PAM: variants seen among roughly 807,000 people sequenced by gnomAD.
PAM encodes peptidyl-glycine alpha-amidating monooxygenase.
A neutral mutation model predicts 122.1 loss-of-function variants in PAM; 72 were observed. The ratio of observed to expected loss-of-function variants is 0.59; its 90% confidence interval spans 0.49 to 0.72. The LOEUF (loss-of-function observed/expected upper bound fraction) is 0.72, where lower values mean the gene tolerates loss of function less well. Among genes scored for constraint, PAM ranks in the 30% least tolerant of loss-of-function variants. The pLI, the probability that PAM is intolerant of heterozygous loss-of-function variation, is 0.00. For synonymous variants in PAM, 389 were observed against 404.4 expected (o/e 0.96, Z 0.46); for missense variants, 1,106 against 1,183.7 (o/e 0.93, Z 0.96).
chr5:102,901,295 T>A, intron 3 of PAM, 61 bp from the exon 4 acceptor site: 1 of 968,382 alleles, frequency 1.0e-6, no homozygotes, highest in Non-Finnish European at 1.6e-6. Context: ...GTTTTAATAG[T>A]TATTATTTCT....
At chr5:103,003,875 G>T (rs1778145621) in intron 17 of PAM, among the ~76,000 whole-genome samples, 1 of 151,604 alleles carries the variant, frequency 6.6e-6, no homozygotes, top group Non-Finnish European at 1.5e-5. Flanking sequence ...GTCATTTTTA[G>T]CATTCCTTAT....
chr5:102,839,819 T>TA (rs1318604445), intron 1 of PAM, among the ~76,000 whole-genome samples: 1 of 152,110 alleles, frequency 6.6e-6, no homozygotes, highest in East Asian at 1.9e-4. Flanking sequence ...AAATACTTAA[T>TA]AAAATTCAGT....
chr5:103,013,958 A>C (rs3776861), intron 21 of PAM, among the ~76,000 whole-genome samples: 44,025 of 152,066 alleles, frequency 0.29, 6,501 homozygotes, highest in East Asian at 0.44. Flanking sequence ...TGAAATCTCA[A>C]AGCATAGCAA....
At position 102,901,278 on chromosome 5, in the gene PAM, A is replaced by G. The variant is rs73175443; in HGVS notation, c.211-78A>G. On this transcript the variant is annotated intron_variant, in intron 3 of 25. Coordinates refer to ENST00000438793, the MANE Select transcript of PAM (RefSeq NM_001177306.2). ...CACTGACTACTTTTTACAGTCATAG[A>G]AGCCACGTTTTAATAGTTATTATTT... is the stretch of plus-strand genomic sequence containing the variant. 6,773 of 836,956 alleles carry G rather than the reference A, an allele frequency of 8.1e-3. 325 individuals are homozygous for G. In the African/African-American group the frequency reaches 0.1, roughly 13 times the overall value. 51.8% of individuals were successfully genotyped at this position (836,956 alleles called of 1,614,324 possible).
At chr5:103,008,969 C>T (rs1419446346) in intron 20 of PAM, among the ~76,000 whole-genome samples, 9 of 152,036 alleles carry the variant, frequency 5.9e-5, no homozygotes, top group Non-Finnish European at 7.4e-5. Context: ...TTTTATAGTA[C>T]ATCCTAGAAA....
At chr5:102,793,044 A>G (rs1157112136) in intron 1 of PAM, among the ~76,000 whole-genome samples, 1 of 152,206 alleles carries the variant, frequency 6.6e-6, no homozygotes, top group Non-Finnish European at 1.5e-5. Context: ...TCATAGGAGC[A>G]CAACATTCTC....
chr5:102,921,318 G>C (rs1037837412), intron 5 of PAM, among the ~76,000 whole-genome samples: 1 of 151,976 alleles, frequency 6.6e-6, no homozygotes, highest in Admixed American at 6.6e-5. Context: ...TACTTCCATA[G>C]GTCCTTTTTT....
chr5:102,889,568 TA>T (rs1414440871), intron 3 of PAM, among the ~76,000 whole-genome samples: 3 of 151,964 alleles, frequency 2.0e-5, no homozygotes, highest in African/African-American at 7.2e-5. Flanking sequence ...TTGTGTCTTC[TA>T]TTTTTTTTAA....
chr5:103,028,305 A>G, intron 25 of PAM, 67 bp downstream of exon 25: 2 of 1,088,592 alleles, frequency 1.8e-6, no homozygotes, highest in Non-Finnish European at 2.8e-6. Flanking sequence ...GTCTTTTAAA[A>G]AGCAAGGAGA....
chr5:102,803,151 AAGGAAGGAAGGAAGG>A (rs1561486671), intron 1 of PAM, among the ~76,000 whole-genome samples: 4 of 6,388 alleles, frequency 6.3e-4, no homozygotes, highest in Non-Finnish European at 2.3e-3. Context: ...GAAAGAAAGG[AAGGAAGGAAGGAAGG>A]AAGGAAGGAA....
chr5:102,921,639 C>T (rs1411860216), intron 5 of PAM, among the ~76,000 whole-genome samples: 1 of 152,060 alleles, frequency 6.6e-6, no homozygotes, highest in Non-Finnish European at 1.5e-5. Flanking sequence ...CTCTTATTTA[C>T]CAGACCTGAT....
Position 102,946,874 on chromosome 5 carries a change from C to T in PAM, c.564C>T (p.Leu188=). ...NKDCSGVSLH[L]TRLPQPLIAG... The stretch of plus-strand genomic sequence containing the variant: ...ACTGTTCTGGTGTGTCCTTACACCT[C>T]ACACGTCTGCCGTAAGTACTTCCAT... Residue 188 remains leucine (L), a synonymous_variant, in exon 8 of 26, where the codon CTC becomes CTT. Transcript: ENST00000438793. The T allele has an allele frequency of 6.2e-7, 1 of 1,600,514 alleles. No individual in the cohort carries two copies. Among genetic ancestry groups the T allele is most frequent in the Non-Finnish European group, 8.6e-7 (1 of 1,168,436 alleles).
intron 1 of PAM, among the ~76,000 whole-genome samples, chr5:102,770,385 T>C (rs1365133478): frequency 6.6e-6 from 1 of 152,130 alleles, no homozygotes; most frequent in Non-Finnish European, 1.5e-5. Flanking sequence ...TTGTTCTAGT[T>C]AGGACTTCCA....
chr5:102,809,378 A>G (rs1319467467), intron 1 of PAM, among the ~76,000 whole-genome samples: 5 of 151,894 alleles, frequency 3.3e-5, no homozygotes, highest in African/African-American at 9.7e-5. Context: ...AAAAGAAAAC[A>G]AAAAACAAAA....
chr5:102,936,692 T>C (rs1259000020), intron 7 of PAM, among the ~76,000 whole-genome samples: 1 of 152,116 alleles, frequency 6.6e-6, no homozygotes, highest in Non-Finnish European at 1.5e-5. Context: ...ATTTGTAAAT[T>C]GCTGCACATT....
At chr5:103,014,212 A>T (rs939065924) in intron 21 of PAM, among the ~76,000 whole-genome samples, 10 of 152,222 alleles carry the variant, frequency 6.6e-5, no homozygotes, top group Admixed American at 2.0e-4. Flanking sequence ...TAATTTAAAT[A>T]TGCATCTAGA....
In PAM at chr5:102,959,908, C is replaced by T; in HGVS notation, c.939C>T (p.Tyr313=). The T allele has an allele frequency of 6.2e-7, 1 of 1,612,238 alleles. No individual in the cohort carries two copies. Among genetic ancestry groups the T allele is most frequent in the Non-Finnish European group, 8.5e-7 (1 of 1,178,670 alleles). The change falls in exon 13 of 26, where the codon TAC becomes TAT. Residue 313 remains tyrosine, a synonymous_variant. Transcript: ENST00000438793. The stretch of plus-strand genomic sequence containing the variant: ...CTAGTGATGAAATGTGCAACTTATA[C>T]ATTATGTATTACATGGAAGCCAAGC... ...GTSSDEMCNL[Y]IMYYMEAKHA...
intron 23 of PAM, among the ~76,000 whole-genome samples, chr5:103,020,066 T>A (rs1360179048): frequency 2.0e-5 from 3 of 151,988 alleles, no homozygotes; most frequent in African/African-American, 7.3e-5. Context: ...TGATTTCAAG[T>A]GATAGAAAGT....
Position 102,949,584 on chromosome 5 carries a change from G to A in PAM, c.691G>A (p.Val231Ile). 1 of 1,544,930 alleles carries A rather than the reference G, an allele frequency of 6.5e-7. No homozygotes were observed. The highest frequency in any genetic ancestry group is 2.2e-5 in the East Asian group (1 of 44,448). ...CCATTATAAAAATTATCCAATGCAT[G>A]TCTTTGCCTATAGAGTTCACACTCA... ...SCHYKNYPMH[V>I]FAYRVHTHHL... The change falls in exon 10 of 26, where the codon GTC becomes ATC. Residue 231 changes from valine (V) to isoleucine (I), a missense_variant. Coordinates refer to ENST00000438793, the MANE Select transcript of PAM (RefSeq NM_001177306.2).
Sources: gnomAD v4.1 joint callset for allele counts (sites outside exome capture counted in the v4.1 genomes callset) on GRCh38, gnomAD v4.1.1 for gene constraint, MANE v1.5 for transcripts, NCBI Gene and HGNC (gene_info 2026-07-23, HGNC 2026-07-21) for gene names.